The following FGGY variants were observed in gnomAD, a reference collection of about 807,000 sequenced individuals.
FGGY encodes the protein FGGY carbohydrate kinase domain-containing protein.
In FGGY, 72 loss-of-function variants were observed where a neutral mutation model predicts 71.3. That is an observed-to-expected ratio of 1.01 (90% CI 0.84 to 1.23). FGGY has a LOEUF of 1.23. Ranked by LOEUF, FGGY falls within the 50% of genes most tolerant of loss-of-function variation. The probability of loss-of-function intolerance (pLI) is 0.00; values close to 1 mark genes in which losing one functional copy is unlikely to be tolerated. For missense variants in FGGY, 668 were observed against 682.3 expected (o/e 0.98, Z 0.23); for synonymous variants, 251 against 250.3 (o/e 1.00, Z -0.02).
intron 1 of FGGY, among the ~76,000 whole-genome samples, chr1:59,310,651 T>C (rs1220238738): frequency 6.6e-6 from 1 of 152,130 alleles, no homozygotes; most frequent in African/African-American, 2.4e-5. Context: ...AGGGTGTCCG[T>C]TGGGTTTGTA....
chr1:59,380,292 A>G (rs1014209602), intron 5 of FGGY, among the ~76,000 whole-genome samples: 3 of 151,074 alleles, frequency 2.0e-5, no homozygotes, highest in Non-Finnish European at 2.9e-5. Flanking sequence ...ATGATTTATA[A>G]TCCTTTGGGT....
intron 9 of FGGY, among the ~76,000 whole-genome samples, chr1:59,612,693 C>T (rs1219643344): frequency 6.6e-6 from 1 of 152,182 alleles, no homozygotes; most frequent in East Asian, 1.9e-4. Context: ...TTGAAAGACA[C>T]AGACTGGCAA....
intron 4 of FGGY, among the ~76,000 whole-genome samples, chr1:59,346,832 G>A (rs2052034983): frequency 6.6e-6 from 1 of 151,834 alleles, no homozygotes; most frequent in South Asian, 2.1e-4. Flanking sequence ...CTTTTGTAGA[G>A]ACTTGGTCTC....
At chr1:59,337,350 A>C (rs1301934977) in intron 2 of FGGY, among the ~76,000 whole-genome samples, 1 of 152,072 alleles carries the variant, frequency 6.6e-6, no homozygotes, top group Non-Finnish European at 1.5e-5. Flanking sequence ...CAAAAGGGAG[A>C]GAGGGAGGAA....
chr1:59,518,739 T>G (rs1558198351), intron 7 of FGGY, among the ~76,000 whole-genome samples: 1 of 152,172 alleles, frequency 6.6e-6, no homozygotes, highest in Non-Finnish European at 1.5e-5. Flanking sequence ...TTTGCCATGA[T>G]CGTAAGTTTC....
At chr1:59,728,775 T>G (rs1200424043) in intron 14 of FGGY, among the ~76,000 whole-genome samples, 1 of 152,120 alleles carries the variant, frequency 6.6e-6, no homozygotes, top group African/African-American at 2.4e-5. Context: ...CTCTATAGAT[T>G]AGGTGGATTT....
chr1:59,655,346 G>A (rs2097208489), intron 11 of FGGY, among the ~76,000 whole-genome samples: 1 of 152,170 alleles, frequency 6.6e-6, no homozygotes, highest in Admixed American at 6.5e-5. Context: ...GTGCCATGGT[G>A]GTTTGCTGCA....
intron 7 of FGGY, among the ~76,000 whole-genome samples, chr1:59,543,454 G>T (rs11207471): frequency 0.2 from 30,215 of 152,110 alleles, 4,051 homozygotes; most frequent in African/African-American, 0.37. Flanking sequence ...TCAGTCTAGA[G>T]GTGGGAGAGC....
chr1:59,694,631 A>T (rs937295716), intron 14 of FGGY, among the ~76,000 whole-genome samples: 2 of 152,184 alleles, frequency 1.3e-5, no homozygotes, highest in South Asian at 4.1e-4. Flanking sequence ...ATATATTAAA[A>T]AGTATTTCTG....
chr1:59,361,024 C>T (rs960344903), intron 4 of FGGY, among the ~76,000 whole-genome samples: 2 of 152,110 alleles, frequency 1.3e-5, no homozygotes, highest in South Asian at 2.1e-4. Flanking sequence ...ATCCTGAGGC[C>T]CCCCTGAGTA....
At chr1:59,607,455 C>A (rs973152684) in intron 8 of FGGY, among the ~76,000 whole-genome samples, 6 of 152,208 alleles carry the variant, frequency 3.9e-5, no homozygotes, top group Non-Finnish European at 8.8e-5. Flanking sequence ...AGACCCACAT[C>A]TCAATGTGAG....
At chr1:59,384,067 C>T (rs576850954) in intron 5 of FGGY, among the ~76,000 whole-genome samples, 1 of 152,278 alleles carries the variant, frequency 6.6e-6, no homozygotes, top group African/African-American at 2.4e-5. Context: ...TGCTTGGGGG[C>T]TTCTAGCCTT....
intron 8 of FGGY, among the ~76,000 whole-genome samples, chr1:59,601,325 C>T (rs1055080478): frequency 1.3e-5 from 2 of 152,178 alleles, no homozygotes; most frequent in African/African-American, 4.8e-5. Flanking sequence ...AGTCATCTCT[C>T]CCAGAAGAGG....
At chr1:59,380,614 A>G (rs1209688656) in intron 5 of FGGY, among the ~76,000 whole-genome samples, 1 of 151,500 alleles carries the variant, frequency 6.6e-6, no homozygotes, top group Non-Finnish European at 1.5e-5. Context: ...GTGTCTGTTC[A>G]TATCCTTTGC....
At chr1:59,374,082 A>C (rs2058212510) in intron 4 of FGGY, among the ~76,000 whole-genome samples, 1 of 152,250 alleles carries the variant, frequency 6.6e-6, no homozygotes, top group Non-Finnish European at 1.5e-5. Context: ...GAGCTTCTGC[A>C]CAGCAAAAGA....
chr1:59,335,384 A>G (rs980704330), intron 2 of FGGY, among the ~76,000 whole-genome samples: 1 of 152,202 alleles, frequency 6.6e-6, no homozygotes, highest in Non-Finnish European at 1.5e-5. Context: ...ATATATCAGT[A>G]GTTCCTTTTT....
chr1:59,714,583 A>T (rs1377366445), intron 14 of FGGY, among the ~76,000 whole-genome samples: 1 of 152,254 alleles, frequency 6.6e-6, no homozygotes, highest in Non-Finnish European at 1.5e-5. Context: ...ATATAAAACA[A>T]ACAGCTGATT....
intron 5 of FGGY, among the ~76,000 whole-genome samples, chr1:59,454,182 G>A (rs903970719): frequency 1.4e-5 from 2 of 144,086 alleles, no homozygotes; most frequent in African/African-American, 5.2e-5. Context: ...CAAAGTAGAG[G>A]CCCAGCACTC....
chr1:59,468,828 C>T (rs2092785108), intron 6 of FGGY, among the ~76,000 whole-genome samples: 1 of 148,432 alleles, frequency 6.7e-6, no homozygotes, highest in South Asian at 2.1e-4. Flanking sequence ...GCCAAGATTG[C>T]ACCACTGCAC....
Sources: allele counts gnomAD v4.1 joint callset (sites outside exome capture counted in the v4.1 genomes callset), GRCh38; gene constraint gnomAD v4.1.1; transcripts MANE v1.5; gene names NCBI Gene and HGNC (gene_info 2026-07-23, HGNC 2026-07-21).